FKBP5: variants seen among roughly 807,000 people sequenced by gnomAD.
FKBP5 encodes FKBP prolyl isomerase 5, also known as peptidyl-prolyl cis-trans isomerase FKBP5.
In FKBP5, 23 loss-of-function variants were observed where a neutral mutation model predicts 50.5. The observed-to-expected ratio is 0.46, with a 90% CI of 0.33 to 0.65. The LOEUF (loss-of-function observed/expected upper bound fraction) is 0.65, where lower values mean the gene tolerates loss of function less well. Ranked by LOEUF, FKBP5 falls within the 30% of genes least tolerant of loss-of-function variation. FKBP5 has a pLI of 0.02. For synonymous variants in FKBP5, 176 were observed against 190.6 expected, an observed-to-expected ratio of 0.92 and a Z score of 0.63; for missense variants, 411 against 553.1, an observed-to-expected ratio of 0.74 and a Z score of 2.58.
chr6:35,650,745 G>C (rs982361690), intron 1 of FKBP5, among the ~76,000 whole-genome samples: 1 of 152,120 alleles, frequency 6.6e-6, no homozygotes, highest in South Asian at 2.1e-4. Context: ...CAAAGTGCTG[G>C]GATCACAGAC....
In FKBP5 at chr6:35,707,561, T is replaced by TA. The variant is rs1581898462; in HGVS notation, c.-20+12766_-20+12767insT. Among the ~76,000 whole-genome samples, 3 of 152,204 alleles carry TA rather than the reference T, an allele frequency of 2.0e-5. No individual in the cohort carries two copies. In the East Asian group the frequency reaches 5.8e-4, roughly 29 times the overall value. ...ACCTAACTTGTTTTTTTAACTTTTATTTTAGGTTCAGGGGTACATGTGCAG... is the reference window on the plus strand; with the variant it reads ...ACCTAACTTGTTTTTTTAACTTTTATATTTAGGTTCAGGGGTACATGTGCAG... On this transcript the variant is annotated intron_variant, in intron 2 of 11. Transcript: ENST00000536438.
At chr6:35,684,916 C>G (rs1466038549) in intron 1 of FKBP5, among the ~76,000 whole-genome samples, 1 of 151,758 alleles carries the variant, frequency 6.6e-6, no homozygotes, top group Non-Finnish European at 1.5e-5. Flanking sequence ...GTGCCTGTAA[C>G]CCCAGCTACT....
At chr6:35,632,294 A>G (rs950851716) in intron 3 of FKBP5, among the ~76,000 whole-genome samples, 1 of 152,208 alleles carries the variant, frequency 6.6e-6, no homozygotes, top group Non-Finnish European at 1.5e-5. Flanking sequence ...GGGCTAAGCA[A>G]GATGGCTGAG....
intron 1 of FKBP5, among the ~76,000 whole-genome samples, chr6:35,650,001 C>T (rs1434326184): frequency 2.0e-5 from 3 of 152,094 alleles, no homozygotes; most frequent in East Asian, 3.8e-4. Flanking sequence ...AATCATTTAG[C>T]TAAGAGTCTA....
Position 35,620,141 on chromosome 6 carries a change from G to C in FKBP5, c.384C>G (p.Leu128=). The C allele has an allele frequency of 6.2e-7, 1 of 1,614,160 alleles. No homozygotes were observed. Among genetic ancestry groups the C allele is most frequent in the Non-Finnish European group, 8.5e-7 (1 of 1,180,018 alleles). ...SLPKIPSNAT[L]FFEIELLDFK... ...TCACACACATACTTGCCTCAAAAAA[G>C]AGAGTTGCATTCGAGGGAATTTTAG... The change falls in exon 4 of 11, where the codon CTC becomes CTG. Residue 128 remains leucine (L), a synonymous_variant. Coordinates refer to ENST00000357266, the MANE Select transcript of FKBP5 (RefSeq NM_004117.4).
At chr6:35,584,186 T>G in intron 8 of FKBP5, 1 of 985,472 alleles carries the variant, frequency 1.0e-6, no homozygotes, top group Non-Finnish European at 1.2e-6. Context: ...AATATTATGC[T>G]GTTACCTGTA....
intron 1 of FKBP5, among the ~76,000 whole-genome samples, chr6:35,675,798 A>G (rs1013926043): frequency 1.3e-5 from 2 of 152,214 alleles, no homozygotes; most frequent in Non-Finnish European, 2.9e-5. Flanking sequence ...AAAAGTCATC[A>G]TCATCGAAAC....
intron 1 of FKBP5, among the ~76,000 whole-genome samples, chr6:35,655,932 TA>T (rs1443627977): frequency 1.3e-5 from 2 of 152,198 alleles, no homozygotes; most frequent in African/African-American, 4.8e-5. Context: ...TTAATTAGAT[TA>T]GTTTGGTTTA....
chr6:35,609,918 T>C (rs1056670426), intron 5 of FKBP5, among the ~76,000 whole-genome samples: 1 of 152,242 alleles, frequency 6.6e-6, no homozygotes, highest in Non-Finnish European at 1.5e-5. Context: ...TTTTTAAGGT[T>C]CTCTTCTACT....
intron 1 of FKBP5, among the ~76,000 whole-genome samples, chr6:35,726,536 CCA>C (rs10599241): frequency 0.2 from 27,104 of 138,800 alleles, 2,636 homozygotes; most frequent in Middle Eastern, 0.27. Context: ...TCCTCCTCCT[CCA>C]CACACACACA....
At chr6:35,612,378 C>G (rs1763517601) in intron 5 of FKBP5, among the ~76,000 whole-genome samples, 1 of 151,970 alleles carries the variant, frequency 6.6e-6, no homozygotes, top group Admixed American at 6.6e-5. Flanking sequence ...CCACTGCACT[C>G]CAGCTTGGGC....
At chr6:35,727,122 T>C (rs966219730) in intron 1 of FKBP5, among the ~76,000 whole-genome samples, 2 of 152,020 alleles carry the variant, frequency 1.3e-5, no homozygotes, top group African/African-American at 2.4e-5. Context: ...GCATGAGAAA[T>C]GGCACAGCAA....
intron 9 of FKBP5, among the ~76,000 whole-genome samples, chr6:35,579,142 A>T (rs1762333675): frequency 6.7e-6 from 1 of 149,656 alleles, no homozygotes; most frequent in African/African-American, 2.5e-5. Context: ...CAAACAAAAC[A>T]CACACACGCG....
chr6:35,654,804 CCTCTTAT>C (rs1293919450), intron 1 of FKBP5, among the ~76,000 whole-genome samples: 1 of 152,062 alleles, frequency 6.6e-6, no homozygotes, highest in African/African-American at 2.4e-5. Flanking sequence ...TTATGCATTG[CCTCTTAT>C]CTCTCATAAG....
intron 7 of FKBP5, among the ~76,000 whole-genome samples, chr6:35,590,703 G>A (rs1182428077): frequency 1.3e-5 from 2 of 152,068 alleles, no homozygotes; most frequent in African/African-American, 4.8e-5. Flanking sequence ...CCACAGTGCA[G>A]GCCTCTTCGT....
Position 35,576,998 on chromosome 6 carries a change from G to A in FKBP5, c.1262C>T (p.Ala421Val), listed in dbSNP as rs1238020852. Residue 421 changes from alanine (A) to valine (V), a missense_variant, in exon 10 of 11, where the codon GCC (alanine) becomes GTC (valine). Ala to Val is a moderately conservative substitution (Grantham distance 64, BLOSUM62 0). Around this residue, in one of 3 missense-constraint regions of FKBP5, gnomAD observed 88 missense variants for 89.0 expected, o/e 0.99. Coordinates refer to ENST00000357266, the MANE Select transcript of FKBP5 (RefSeq NM_004117.4). Reference sequence around the variant, plus strand: ...GTCATCAGGCTCTGCACACACCTTGGCATCCTGCTCTGCAAACTTCTTGAA... The same window carrying A: ...GTCATCAGGCTCTGCACACACCTTGACATCCTGCTCTGCAAACTTCTTGAA... ...NMFKKFAEQDAKEEANKAMGK... is the reference protein window; with the variant it reads ...NMFKKFAEQDVKEEANKAMGK... 1.2e-6 allele frequency: 2 copies of A among 1,613,758 alleles called. No homozygotes were observed. Among genetic ancestry groups the A allele is most frequent in the Non-Finnish European group, 1.7e-6 (2 of 1,179,988 alleles).
chr6:35,689,300 A>T (rs558380391), upstream of FKBP5, among the ~76,000 whole-genome samples: 37 of 152,226 alleles, frequency 2.4e-4, no homozygotes, highest in Admixed American at 2.0e-3. Flanking sequence ...ATCTGTCCAC[A>T]GGGCCTACCT....
intron 5 of FKBP5, among the ~76,000 whole-genome samples, chr6:35,611,389 G>A (rs546705858): frequency 4.6e-5 from 7 of 152,230 alleles, no homozygotes; most frequent in South Asian, 2.1e-4. Flanking sequence ...TGCATTCTTT[G>A]CATTCAAATG....
rs191072130 is a variant in FKBP5, at chr6:35,645,616, T to G, written c.-19-2773A>C. Among the ~76,000 whole-genome samples the G allele has an allele frequency of 3.9e-3, 593 of 152,324 alleles. 4 individuals are homozygous for G. The highest frequency in any genetic ancestry group is 0.011 in the African/African-American group (469 of 41,558). On this transcript the variant is annotated intron_variant, in intron 1 of 10. Transcript: ENST00000357266. The stretch of plus-strand genomic sequence containing the variant: ...TGCATATTAGCTTATTACTACTATA[T>G]GTCAGCCTTTTGGAATGTGATATAG...
Sources: gnomAD v4.1 joint callset for allele counts (sites outside exome capture counted in the v4.1 genomes callset) on GRCh38, gnomAD v4.1.1 for gene constraint, gnomAD v4.1.1 regional missense constraint, MANE v1.5 for transcripts, NCBI Gene and HGNC (gene_info 2026-07-23, HGNC 2026-07-21) for gene names.